The following PDK2 variants were observed in gnomAD, a reference collection of about 807,000 sequenced individuals.
PDK2 encodes the protein pyruvate dehydrogenase kinase, isozyme 2.
Under a neutral mutation model 50.4 loss-of-function variants are expected in PDK2, and 34 were observed. The observed-to-expected ratio is 0.68, with a 90% CI of 0.51 to 0.90. PDK2 has a LOEUF of 0.90. Among genes scored for constraint, PDK2 ranks in the 40% least tolerant of loss-of-function variants. PDK2 has a pLI of 0.00. For missense variants in PDK2, 377 were observed against 544.5 expected (o/e 0.69, Z 3.06); for synonymous variants, 232 against 216.0 (o/e 1.07, Z -0.65).
intron 8 of PDK2, 86 bp downstream of exon 8, chr17:50,108,503 A>C: frequency 8.1e-7 from 1 of 1,227,470 alleles, no homozygotes; most frequent in Non-Finnish European, 1.1e-6. Context: ...TTTCTCCTAC[A>C]TGGTGGGCAG....
At chr17:50,107,786 G>A (rs1444156941) in intron 6 of PDK2, among the ~76,000 whole-genome samples, 1 of 152,194 alleles carries the variant, frequency 6.6e-6, no homozygotes, top group Non-Finnish European at 1.5e-5. Context: ...CAGGGGTAGG[G>A]AGGAGGGGCA....
intron 2 of PDK2, among the ~76,000 whole-genome samples, chr17:50,103,209 G>A (rs1193495077): frequency 6.6e-6 from 1 of 152,134 alleles, no homozygotes; most frequent in Non-Finnish European, 1.5e-5. Context: ...TCTGCTGTTG[G>A]GGCCCCCAGC....
rs1910561464 is a variant in PDK2, at chr17:50,107,173, T to C, written c.685+20T>C. The C allele has an allele frequency of 6.2e-7, 1 of 1,607,244 alleles. No homozygotes were observed. On this transcript the variant is annotated intron_variant, in intron 6 of 10. Transcript: ENST00000503176. ...TCAATGGTGAGTGAGCGGGGCTGTG[T>C]ATGTGTCTGTCTTGGGGCTGGGGAC...
At chr17:50,104,124 A>G (rs986690907) in intron 2 of PDK2, among the ~76,000 whole-genome samples, 1 of 152,108 alleles carries the variant, frequency 6.6e-6, no homozygotes, top group Non-Finnish European at 1.5e-5. Context: ...CAGACTGGAC[A>G]TGTTAGCAGG....
At chr17:50,096,107 C>A in intron 1 of PDK2, 9 of 986,200 alleles carry the variant, frequency 9.1e-6, no homozygotes, top group Non-Finnish European at 1.1e-5. Context: ...AGACAGTGCC[C>A]TGACTGGTAG....
intron 2 of PDK2, chr17:50,104,357 TCTC>T (rs1262252068): frequency 6.6e-6 from 1 of 152,342 alleles, no homozygotes; most frequent in Non-Finnish European, 1.5e-5. Flanking sequence ...TTCAAGCGAT[TCTC>T]CTACCTCAGC....
At chr17:50,105,554 A>T (rs1910463116) in intron 3 of PDK2, 112 bp downstream of exon 3, 1 of 859,582 alleles carries the variant, frequency 1.2e-6, no homozygotes, top group African/African-American at 1.7e-5. Context: ...CCCTGCCTTC[A>T]GAAACATCCA....
chr17:50,110,785 C>G lies in PDK2; in HGVS notation c.*688C>G, dbSNP rs1910786864. Reference sequence around the variant, plus strand: ...CAATGTCTGTGCCACCTCCTGAGCCCTCCCAGCATGTCCTCACATGCTCAT... The same window carrying G: ...CAATGTCTGTGCCACCTCCTGAGCCGTCCCAGCATGTCCTCACATGCTCAT... On this transcript the variant is annotated 3_prime_UTR_variant, in exon 11 of 11. Transcript: ENST00000503176. 6.6e-6 allele frequency: 1 copy of G among 152,270 alleles called. No individual in the cohort carries two copies. Among genetic ancestry groups the G allele is most frequent in the African/African-American group, 2.4e-5 (1 of 41,424 alleles). The allele number at this position is 152,270 out of a possible 1,614,324, so 9.4% of individuals were successfully genotyped here. A position where few individuals can be genotyped will look rare whatever the true frequency, so the allele number is the denominator to read the frequency against.
rs1443245664 is a variant in PDK2 at position 50,109,974 on chromosome 17, G to A, written c.1101G>A (p.Ser367=). The change falls in exon 11 of 11, where the codon TCG becomes TCA. Residue 367 remains serine, a synonymous_variant. Transcript: ENST00000503176. This position sits in a 1 kb window ranked among gnomAD's most constrained non-coding sequence, Gnocchi z 5.0. ...CTCCCCAGGCCCTGTCCACGGACTCGGTGGAGCGCCTGCCTGTCTACAACA... is the reference window on the plus strand; with the variant it reads ...CTCCCCAGGCCCTGTCCACGGACTCAGTGGAGCGCCTGCCTGTCTACAACA... The part of the protein sequence containing the change: ...VIYLKALSTD[S]VERLPVYNKS... 6.3e-6 allele frequency: 10 copies of A among 1,577,370 alleles called. No individual in the cohort carries two copies. Among genetic ancestry groups the A allele is most frequent in the East Asian group, 4.7e-5 (2 of 42,902 alleles).
intron 6 of PDK2, 36 bp from the exon 7 acceptor site, chr17:50,108,120 C>T (rs774152179): frequency 7.3e-5 from 113 of 1,552,054 alleles, no homozygotes; most frequent in Non-Finnish European, 9.8e-5. Flanking sequence ...GACCTCCTGA[C>T]GGTTTCCTGA....
intron 6 of PDK2, chr17:50,107,934 T>TGGAGGAAG: frequency 1.7e-6 from 1 of 573,998 alleles, no homozygotes; most frequent in Non-Finnish European, 3.1e-6. Flanking sequence ...AGTTCTAGCC[T>TGGAGGAAG]GGAGGAAGGG....
chr17:50,105,513 G>A (rs986360241), intron 3 of PDK2, 71 bp downstream of exon 3: 1 of 1,281,666 alleles, frequency 7.8e-7, no homozygotes, highest in Non-Finnish European at 1.1e-6. Flanking sequence ...CAGCCCCTGG[G>A]GCAGAAGTAC....
At position 50,105,765 on chromosome 17, in the gene PDK2, G is replaced by C. The variant is rs1458836741; in HGVS notation, c.333-120G>C. The C allele has an allele frequency of 2.2e-6, 3 of 1,345,080 alleles. No homozygotes were observed. In the East Asian group the frequency reaches 7.5e-5, roughly 34 times the overall value. The allele number at this position is 1,345,080 out of a possible 1,614,324, so 83.3% of individuals were successfully genotyped here. On this transcript the variant is annotated intron_variant, in intron 3 of 10. Transcript: ENST00000503176. ...GAGTGGGCTTTGGGAGGAGCAGGGAGGGCACTGGGAGTCCATCGGATTGGG... is the reference window on the plus strand; with the variant it reads ...GAGTGGGCTTTGGGAGGAGCAGGGACGGCACTGGGAGTCCATCGGATTGGG...
intron 8 of PDK2, 40 bp downstream of exon 8, chr17:50,108,457 T>G (rs1910638571): frequency 6.6e-7 from 1 of 1,520,828 alleles, no homozygotes; most frequent in Non-Finnish European, 9.1e-7. Context: ...GGAGCAGTAG[T>G]GGGGGCTTCC....
chr17:50,095,194 G>T, upstream of PDK2: 1 of 454,584 alleles, frequency 2.2e-6, no homozygotes, highest in Non-Finnish European at 3.9e-6. Context: ...GGCAAAGCGT[G>T]GGTTAAGGGG....
chr17:50,107,935 G>A, intron 6 of PDK2: 1 of 576,446 alleles, frequency 1.7e-6, no homozygotes, highest in East Asian at 3.0e-5. Flanking sequence ...GTTCTAGCCT[G>A]GAGGAAGGGA....
At chr17:50,105,349 G>A (rs1349016249) in intron 2 of PDK2, 22 bp from the exon 3 acceptor site, 2 of 1,573,744 alleles carry the variant, frequency 1.3e-6, no homozygotes, top group Non-Finnish European at 1.7e-6. Flanking sequence ...CTGAGGCTGT[G>A]TCCCCTCCCG....
intron 2 of PDK2, among the ~76,000 whole-genome samples, chr17:50,103,318 G>A (rs1474699171): frequency 1.3e-5 from 2 of 152,192 alleles, no homozygotes; most frequent in Non-Finnish European, 2.9e-5. Flanking sequence ...CCCCCTTCGT[G>A]TGGCAGTGGG....
chr17:50,101,261 C>T lies in PDK2; in HGVS notation c.260+3697C>T, dbSNP rs1049389111. On this transcript the variant is annotated intron_variant, in intron 2 of 10. Transcript: ENST00000503176. This position sits in a 1 kb window ranked among gnomAD's most constrained non-coding sequence, Gnocchi z 4.2. Reference sequence around the variant, plus strand: ...TAAAGCCACACGAGCTCTCCAAACCCGTCAGCCGCTCCTTGCATGACCGAG... The same window carrying T: ...TAAAGCCACACGAGCTCTCCAAACCTGTCAGCCGCTCCTTGCATGACCGAG... Among the ~76,000 whole-genome samples the T allele has an allele frequency of 1.3e-5, 2 of 152,134 alleles. No homozygotes were observed. Among genetic ancestry groups the T allele is most frequent in the Non-Finnish European group, 2.9e-5 (2 of 68,012 alleles).
Sources: allele counts gnomAD v4.1 joint callset (sites outside exome capture counted in the v4.1 genomes callset), GRCh38; gene constraint gnomAD v4.1.1; non-coding constraint Gnocchi (gnomAD v3.1); transcripts MANE v1.5; gene names NCBI Gene and HGNC (gene_info 2026-07-23, HGNC 2026-07-21).